The following RABGAP1L variants were observed in gnomAD, a reference collection of about 807,000 sequenced individuals.
RABGAP1L encodes RAB GTPase activating protein 1 like, also known as rab GTPase-activating protein 1-like.
A neutral mutation model predicts 137.7 loss-of-function variants in RABGAP1L; 63 were observed. The ratio of observed to expected loss-of-function variants is 0.46; its 90% CI spans 0.37 to 0.56. RABGAP1L has a LOEUF of 0.56. Ranked by LOEUF, RABGAP1L falls within the 20% of genes least tolerant of loss-of-function variation. The probability of loss-of-function intolerance (pLI) is 0.00; values close to 1 mark genes in which losing one functional copy is unlikely to be tolerated. For synonymous variants in RABGAP1L, 431 were observed against 433.7 expected (o/e 0.99, Z 0.08); for missense variants, 1,095 against 1,244.0 (o/e 0.88, Z 1.80).
At chr1:174,902,271 C>T (rs1268138493) in intron 19 of RABGAP1L, among the ~76,000 whole-genome samples, 1 of 152,202 alleles carries the variant, frequency 6.6e-6, no homozygotes, top group Non-Finnish European at 1.5e-5. Flanking sequence ...TTCTCCATAG[C>T]TGGCAGACTA....
At chr1:174,547,461 T>TA (rs1422292783) in intron 13 of RABGAP1L, among the ~76,000 whole-genome samples, 3 of 151,906 alleles carry the variant, frequency 2.0e-5, no homozygotes, top group Non-Finnish European at 4.4e-5. Flanking sequence ...TGCAAAAAAA[T>TA]AAAAAATTAG....
At chr1:174,479,858 T>G (rs1329606086) in intron 13 of RABGAP1L, among the ~76,000 whole-genome samples, 1 of 152,214 alleles carries the variant, frequency 6.6e-6, no homozygotes, top group Non-Finnish European at 1.5e-5. Flanking sequence ...CAGTATTGAT[T>G]CTACTCTTGG....
rs139847617 is a variant in RABGAP1L, at chr1:174,695,818, A to G, written c.1900-3707A>G. On this transcript the variant is annotated intron_variant, in intron 15 of 25. Transcript: ENST00000681986. ...TAGTCACTGAAGCCATATCTGCTTT[A>G]GGGGATGCCCCAAGCCAAATAATGC... Among the ~76,000 whole-genome samples, 17 of 152,332 alleles carry G rather than the reference A, an allele frequency of 1.1e-4. No homozygotes were observed. The East Asian group carries it at 1.7e-3, about 16-fold the overall frequency.
At chr1:174,664,697 TTC>T (rs1277384139) in intron 14 of RABGAP1L, among the ~76,000 whole-genome samples, 9 of 149,564 alleles carry the variant, frequency 6.0e-5, no homozygotes, top group Admixed American at 1.3e-4. Flanking sequence ...TTATGGTTCT[TTC>T]TCTCTCTCTC....
At chr1:174,584,838 G>GT (rs11290858) in intron 13 of RABGAP1L, among the ~76,000 whole-genome samples, 70 of 148,904 alleles carry the variant, frequency 4.7e-4, no homozygotes, top group African/African-American at 7.1e-4. Flanking sequence ...ATGTGTATGT[G>GT]TTTTTTTTTT....
chr1:174,217,862 T>G (rs991208099), intron 1 of RABGAP1L, among the ~76,000 whole-genome samples: 5 of 152,202 alleles, frequency 3.3e-5, no homozygotes, highest in Non-Finnish European at 7.4e-5. Context: ...GCTAGACTCA[T>G]TCTTTTTATT....
chr1:174,662,541 C>T (rs1676470507), intron 14 of RABGAP1L, among the ~76,000 whole-genome samples: 2 of 151,878 alleles, frequency 1.3e-5, no homozygotes, highest in Admixed American at 1.3e-4. Flanking sequence ...CCTCAGCCTC[C>T]CACCACCACA....
chr1:174,925,771 GT>G (rs1295970219), intron 19 of RABGAP1L, among the ~76,000 whole-genome samples: 1 of 145,360 alleles, frequency 6.9e-6, no homozygotes, highest in African/African-American at 2.5e-5. Flanking sequence ...TCAGTTTTTA[GT>G]TTTTTGTGCA....
intron 12 of RABGAP1L, among the ~76,000 whole-genome samples, chr1:174,376,079 G>A (rs1375468775): frequency 6.7e-6 from 1 of 149,416 alleles, no homozygotes; most frequent in Non-Finnish European, 1.5e-5. Context: ...ATAAAGTAGA[G>A]TAAAGTAAAG....
At chr1:174,537,944 C>T (rs970377395) in intron 13 of RABGAP1L, among the ~76,000 whole-genome samples, 3 of 152,080 alleles carry the variant, frequency 2.0e-5, no homozygotes, top group African/African-American at 7.2e-5. Context: ...CCTTAGTCCA[C>T]CTTTTAAAAA....
intron 18 of RABGAP1L, among the ~76,000 whole-genome samples, chr1:174,803,609 A>G (rs1179294682): frequency 6.6e-6 from 1 of 151,760 alleles, no homozygotes; most frequent in Non-Finnish European, 1.5e-5. Context: ...AATCACATTT[A>G]GATTTTTTTT....
In RABGAP1L at chr1:174,409,400, A is replaced by T. The variant is rs1001803062; in HGVS notation, c.1710+15255A>T. On this transcript the variant is annotated intron_variant, in intron 13 of 25. Transcript: ENST00000681986. ...ATCCTGTTATCTTCGTAAGCTGAGG[A>T]TGTACATCACTTCGGGAGCACTATA... 9.2e-5 allele frequency among the ~76,000 whole-genome samples: 14 copies of T among 152,274 alleles called. No homozygotes were observed. In the East Asian group the frequency reaches 1.4e-3, roughly 15 times the overall value.
intron 15 of RABGAP1L, among the ~76,000 whole-genome samples, chr1:174,699,162 T>A (rs975308970): frequency 1.3e-5 from 2 of 152,064 alleles, no homozygotes; most frequent in African/African-American, 4.8e-5. Context: ...TCGGCTAATT[T>A]TTTTATTCTT....
chr1:174,974,341 G>A (rs1670463473), intron 21 of RABGAP1L, among the ~76,000 whole-genome samples: 1 of 152,118 alleles, frequency 6.6e-6, no homozygotes, highest in African/African-American at 2.4e-5. Flanking sequence ...GAGACTTTGG[G>A]GAGGGTCTCC....
chr1:174,919,168 G>A (rs1027785802), intron 19 of RABGAP1L, among the ~76,000 whole-genome samples: 22 of 152,088 alleles, frequency 1.4e-4, no homozygotes, highest in African/African-American at 5.3e-4. Context: ...ACAGACATGC[G>A]CCGCCATGTC....
intron 19 of RABGAP1L, among the ~76,000 whole-genome samples, chr1:174,868,877 A>G (rs1449836201): frequency 6.6e-6 from 1 of 152,166 alleles, no homozygotes; most frequent in Non-Finnish European, 1.5e-5. Context: ...CATGTAAATT[A>G]CCAAATTACT....
At chr1:174,790,895 GA>G (rs113966397) in intron 18 of RABGAP1L, among the ~76,000 whole-genome samples, 2,629 of 148,786 alleles carry the variant, frequency 0.018, 82 homozygotes, top group African/African-American at 0.061. Flanking sequence ...TCCATTTCAA[GA>G]AAAAAAAAAT....
intron 13 of RABGAP1L, among the ~76,000 whole-genome samples, chr1:174,512,225 A>G (rs1022546722): frequency 6.6e-6 from 1 of 152,178 alleles, no homozygotes; most frequent in African/African-American, 2.4e-5. Context: ...GATAACACTT[A>G]CCATCTGGGA....
intron 3 of RABGAP1L, among the ~76,000 whole-genome samples, chr1:174,229,348 A>G (rs936423414): frequency 1.3e-5 from 2 of 152,184 alleles, no homozygotes; most frequent in African/African-American, 4.8e-5. Flanking sequence ...TTTTGGGGCT[A>G]ATTCACAGTA....
Sources: allele counts gnomAD v4.1 joint callset (sites outside exome capture counted in the v4.1 genomes callset), GRCh38; gene constraint gnomAD v4.1.1; transcripts MANE v1.5; gene names NCBI Gene and HGNC (gene_info 2026-07-23, HGNC 2026-07-21).